Variants in EHF observed in about 807,000 individuals in gnomAD.
EHF encodes the protein ETS homologous factor.
Under a neutral mutation model 45.1 loss-of-function variants are expected in EHF, and 14 were observed. The observed-to-expected ratio is 0.31, with a 90% CI of 0.21 to 0.49. The LOEUF (loss-of-function observed/expected upper bound fraction) is 0.49, where lower values mean the gene tolerates loss of function less well. Among genes scored for constraint, EHF ranks in the 20% least tolerant of loss-of-function variants. EHF has a pLI of 0.99. For missense variants in EHF, 282 were observed against 371.4 expected, an observed-to-expected ratio of 0.76 and a Z score of 1.98; for synonymous variants, 136 against 131.8, an observed-to-expected ratio of 1.03 and a Z score of -0.22.
intron 1 of EHF, among the ~76,000 whole-genome samples, chr11:34,626,328 G>T (rs1276220121): frequency 2.0e-5 from 3 of 152,146 alleles, no homozygotes; most frequent in Non-Finnish European, 4.4e-5. Flanking sequence ...TAAGAAGAGG[G>T]TCTTCTACTT....
At chr11:34,635,443 C>A (rs1032883936) in intron 1 of EHF, among the ~76,000 whole-genome samples, 21 of 105,248 alleles carry the variant, frequency 2.0e-4, no homozygotes, top group African/African-American at 6.0e-4. Context: ...CAATCCGAAA[C>A]CTTATTCTTT....
At chr11:34,640,878 G>A (rs560211475) in intron 1 of EHF, among the ~76,000 whole-genome samples, 21 of 152,234 alleles carry the variant, frequency 1.4e-4, no homozygotes, top group Admixed American at 7.2e-4. Context: ...ACGTGTATTC[G>A]TGCCCTACTT....
intron 2 of EHF, among the ~76,000 whole-genome samples, chr11:34,643,168 T>C (rs554144405): frequency 4.6e-5 from 7 of 152,098 alleles, no homozygotes; most frequent in African/African-American, 1.7e-4. Flanking sequence ...CGTCTTCCAG[T>C]GGCCTCTCTT....
chr11:34,624,066 A>G (rs1852165615), intron 1 of EHF, among the ~76,000 whole-genome samples: 1 of 152,152 alleles, frequency 6.6e-6, no homozygotes. Flanking sequence ...TTGAGAAGCA[A>G]TGTTGTGGTT....
chr11:34,637,155 T>G (rs573845262), intron 1 of EHF, among the ~76,000 whole-genome samples: 2 of 152,182 alleles, frequency 1.3e-5, no homozygotes, highest in African/African-American at 4.8e-5. Flanking sequence ...AGGCTTTACC[T>G]TCTGCTATGC....
chr11:34,656,819 G>A, intron 6 of EHF, 89 bp from the exon 7 acceptor site: 2 of 1,461,938 alleles, frequency 1.4e-6, no homozygotes, highest in Non-Finnish European at 1.9e-6. Context: ...TAGGTGCTCA[G>A]TAAATATTGT....
chr11:34,637,991 T>G (rs530273526), intron 1 of EHF, among the ~76,000 whole-genome samples: 2 of 151,736 alleles, frequency 1.3e-5, no homozygotes, highest in East Asian at 1.9e-4. Flanking sequence ...AACCTCTGAC[T>G]CCTGGGTTCA....
At position 34,651,305 on chromosome 11, in the gene EHF, C is replaced by T. The variant is rs971304012; in HGVS notation, c.407-237C>T. Among the ~76,000 whole-genome samples the T allele has an allele frequency of 4.6e-5, 7 of 152,186 alleles. No individual in the cohort carries two copies. In the South Asian group the frequency reaches 6.2e-4, roughly 14 times the overall value. On this transcript the variant is annotated intron_variant, in intron 4 of 8. Coordinates refer to ENST00000257831, the MANE Select transcript of EHF (RefSeq NM_012153.6). ...CCATTCTTGCAACTTCTCTCACTTC[C>T]CTAAAAATGCAATAGGTACAGAACA...
intron 1 of EHF, among the ~76,000 whole-genome samples, chr11:34,638,913 G>C (rs1853713235): frequency 6.6e-6 from 1 of 152,200 alleles, no homozygotes; most frequent in African/African-American, 2.4e-5. Context: ...GAAATAAAAT[G>C]TGTTAGAGGA....
At chr11:34,638,541 C>T (rs1470288693) in intron 1 of EHF, among the ~76,000 whole-genome samples, 1 of 152,178 alleles carries the variant, frequency 6.6e-6, no homozygotes, top group African/African-American at 2.4e-5. Flanking sequence ...AGCTGTCTGC[C>T]TCCACAAGCT....
At chr11:34,629,268 T>C (rs1852658788) in intron 1 of EHF, among the ~76,000 whole-genome samples, 1 of 152,192 alleles carries the variant, frequency 6.6e-6, no homozygotes, top group South Asian at 2.1e-4. Context: ...AAAACCTTTC[T>C]GGTAGGGAGT....
chr11:34,658,010 G>A (rs1033626409), intron 7 of EHF, among the ~76,000 whole-genome samples: 1 of 151,940 alleles, frequency 6.6e-6, no homozygotes, highest in Non-Finnish European at 1.5e-5. Flanking sequence ...GTCCCTGCGT[G>A]ACCACCCCTT....
At chr11:34,628,611 A>T (rs971610246) in intron 1 of EHF, among the ~76,000 whole-genome samples, 3 of 152,234 alleles carry the variant, frequency 2.0e-5, no homozygotes, top group Non-Finnish European at 2.9e-5. Context: ...GGACTTTGGC[A>T]TAATGAAGAT....
chr11:34,643,954 T>A (rs1019218991), intron 2 of EHF, among the ~76,000 whole-genome samples: 2 of 152,134 alleles, frequency 1.3e-5, no homozygotes, highest in African/African-American at 4.8e-5. Flanking sequence ...AAGCTCAGCC[T>A]TGATTGAGAC....
chr11:34,629,473 T>G (rs1292497341), intron 1 of EHF, among the ~76,000 whole-genome samples: 5 of 152,220 alleles, frequency 3.3e-5, no homozygotes, highest in Admixed American at 3.3e-4. Flanking sequence ...ATTATCTCTA[T>G]AAAAGGAAAC....
At chr11:34,639,089 G>C (rs1363308842) in intron 1 of EHF, among the ~76,000 whole-genome samples, 1 of 152,130 alleles carries the variant, frequency 6.6e-6, no homozygotes, top group Non-Finnish European at 1.5e-5. Context: ...ACCCCCTCCA[G>C]CTCTCCCATT....
At chr11:34,651,668 C>G (rs1472774791) in intron 5 of EHF, 58 bp downstream of exon 5, 2 of 1,606,456 alleles carry the variant, frequency 1.2e-6, no homozygotes, top group Admixed American at 3.3e-5. Context: ...TGTCTAAGAG[C>G]CACAGTGTTC....
chr11:34,652,956 G>A (rs1037466028), intron 6 of EHF, among the ~76,000 whole-genome samples: 5 of 152,152 alleles, frequency 3.3e-5, no homozygotes, highest in African/African-American at 1.2e-4. Flanking sequence ...GTTAAAATTA[G>A]GGAATAGATC....
intron 3 of EHF, among the ~76,000 whole-genome samples, chr11:34,647,094 C>A (rs1043753309): frequency 2.9e-5 from 4 of 136,318 alleles, no homozygotes; most frequent in African/African-American, 8.4e-5. Context: ...ACCCCCCCCA[C>A]ACACACACAC....
Sources: allele counts gnomAD v4.1 joint callset (sites outside exome capture counted in the v4.1 genomes callset), GRCh38; gene constraint gnomAD v4.1.1; transcripts MANE v1.5; gene names NCBI Gene and HGNC (gene_info 2026-07-23, HGNC 2026-07-21).